PLCB1: variants seen among roughly 807,000 people sequenced by gnomAD.
PLCB1 encodes 1-phosphatidylinositol 4,5-bisphosphate phosphodiesterase beta-1.
Under a neutral mutation model 161.8 loss-of-function variants are expected in PLCB1, and 46 were observed. That is an observed-to-expected ratio of 0.28 (90% CI 0.22 to 0.36). The LOEUF is 0.36. Among genes scored for constraint, PLCB1 ranks in the 10% least tolerant of loss-of-function variants. The probability of loss-of-function intolerance (pLI) is 1.00; values close to 1 mark genes in which losing one functional copy is unlikely to be tolerated. For synonymous variants in PLCB1, 517 were observed against 503.7 expected (o/e 1.03, Z -0.35); for missense variants, 1,016 against 1,472.5 (o/e 0.69, Z 5.07).
intron 3 of PLCB1, among the ~76,000 whole-genome samples, chr20:8,387,919 C>T (rs1242119129): frequency 6.8e-6 from 1 of 146,224 alleles, no homozygotes; most frequent in African/African-American, 2.6e-5. Flanking sequence ...CTTAATGCCA[C>T]TGAACTGTAC....
At chr20:8,354,386 G>T (rs765004023) in intron 2 of PLCB1, among the ~76,000 whole-genome samples, 1 of 152,108 alleles carries the variant, frequency 6.6e-6, no homozygotes, top group Admixed American at 6.6e-5. Flanking sequence ...GGAAAACTGC[G>T]TAAGATTCAC....
In PLCB1 at chr20:8,523,490, C is replaced by CCATATATATA. The variant is rs1206489907; in HGVS notation, c.247-104804_247-104803insCATATATATA. Among the ~76,000 whole-genome samples the CCATATATATA allele has an allele frequency of 3.1e-3, 210 of 67,610 alleles. 32 individuals carry two copies. The highest frequency in any genetic ancestry group is 9.6e-3 in the Middle Eastern group (1 of 104). 44.4% of individuals were successfully genotyped at this position (67,610 alleles called of 152,430 possible). ...GCTCTCTCTCTCTCTCTCTCTCTCT[C>CCATATATATA]TCTCTCTATATATATATATATATAT... On this transcript the variant is annotated intron_variant, in intron 3 of 31. Transcript: ENST00000338037.
At chr20:8,739,609 C>T (rs1024335952) in intron 21 of PLCB1, among the ~76,000 whole-genome samples, 23 of 152,176 alleles carry the variant, frequency 1.5e-4, no homozygotes, top group Admixed American at 9.8e-4. Flanking sequence ...TCTTCGTGCT[C>T]ATAGGTCTGT....
chr20:8,654,327 A>G (rs1989395238), intron 7 of PLCB1, among the ~76,000 whole-genome samples: 1 of 152,068 alleles, frequency 6.6e-6, no homozygotes, highest in South Asian at 2.1e-4. Flanking sequence ...AAGGCCAAAC[A>G]ACAACAAGTC....
intron 3 of PLCB1, among the ~76,000 whole-genome samples, chr20:8,469,561 T>C: frequency 6.6e-6 from 1 of 151,392 alleles, no homozygotes; most frequent in East Asian, 1.9e-4. Flanking sequence ...GAGTTCCAGC[T>C]TCTTTTTTAA....
intron 2 of PLCB1, among the ~76,000 whole-genome samples, chr20:8,194,801 T>G (rs1263968710): frequency 6.6e-6 from 1 of 152,084 alleles, no homozygotes; most frequent in East Asian, 1.9e-4. Context: ...TATGTCATTG[T>G]CTCATTGCTG....
intron 3 of PLCB1, among the ~76,000 whole-genome samples, chr20:8,549,673 C>T (rs1266340231): frequency 1.3e-5 from 2 of 152,172 alleles, no homozygotes; most frequent in Non-Finnish European, 2.9e-5. Flanking sequence ...CGGCTCACTG[C>T]AACTTCTGCT....
chr20:8,734,093 A>G (rs911768409), intron 19 of PLCB1, among the ~76,000 whole-genome samples: 3 of 133,956 alleles, frequency 2.2e-5, no homozygotes, highest in Non-Finnish European at 3.1e-5. Flanking sequence ...GCGCCACTGC[A>G]CTCCAGCCTG....
intron 3 of PLCB1, among the ~76,000 whole-genome samples, chr20:8,524,259 T>C (rs997176949): frequency 6.6e-6 from 1 of 152,150 alleles, no homozygotes; most frequent in African/African-American, 2.4e-5. Context: ...CATATGGCTT[T>C]AGGAATTCAG....
At position 8,558,992 on chromosome 20, in the gene PLCB1, G is replaced by A. The variant is rs6086501; in HGVS notation, c.247-69302G>A. ...GCAAACTCGATAGTAACTTAAAGGT[G>A]TACAAAAGAAATAAAACACACTACT... On this transcript the variant is annotated intron_variant, in intron 3 of 31. Coordinates refer to ENST00000338037, the MANE Select transcript of PLCB1 (RefSeq NM_015192.4). Among the ~76,000 whole-genome samples the A allele has an allele frequency of 6.3e-4, 95 of 151,936 alleles. 1 individual carries two copies. Among genetic ancestry groups the A allele is most frequent in the African/African-American group, 2.1e-3 (86 of 41,506 alleles).
At chr20:8,642,163 A>G (rs1568542290) in intron 4 of PLCB1, among the ~76,000 whole-genome samples, 1 of 152,172 alleles carries the variant, frequency 6.6e-6, no homozygotes, top group Non-Finnish European at 1.5e-5. Context: ...GTAATTATGT[A>G]TGATTGGCAA....
chr20:8,155,311 G>T (rs1259799323), intron 2 of PLCB1, among the ~76,000 whole-genome samples: 12 of 152,098 alleles, frequency 7.9e-5, no homozygotes, highest in Admixed American at 5.9e-4. Flanking sequence ...AAGAAAGATT[G>T]GTTCTACCAT....
intron 11 of PLCB1, among the ~76,000 whole-genome samples, chr20:8,699,576 G>A (rs1309992230): frequency 2.0e-5 from 3 of 152,180 alleles, no homozygotes; most frequent in Admixed American, 1.3e-4. Context: ...GCTTCTTAAT[G>A]TGAAACACTT....
At chr20:8,757,248 C>G in intron 24 of PLCB1, 70 bp downstream of exon 24, 1 of 1,479,474 alleles carries the variant, frequency 6.8e-7, no homozygotes, top group Non-Finnish European at 9.1e-7. Flanking sequence ...CTGACGGAGG[C>G]GCTGTGATGT....
At chr20:8,788,234 A>T (rs1156453255) in intron 27 of PLCB1, among the ~76,000 whole-genome samples, 6 of 152,206 alleles carry the variant, frequency 3.9e-5, no homozygotes, top group Non-Finnish European at 8.8e-5. Context: ...TTAAAAAGAG[A>T]TAATAAGAAG....
chr20:8,476,178 A>G (rs931467274), intron 3 of PLCB1, among the ~76,000 whole-genome samples: 1 of 152,198 alleles, frequency 6.6e-6, no homozygotes, highest in African/African-American at 2.4e-5. Flanking sequence ...AGCAGCTTAC[A>G]GGAGTTCACA....
At chr20:8,683,727 A>G (rs1990277754) in intron 9 of PLCB1, among the ~76,000 whole-genome samples, 1 of 152,170 alleles carries the variant, frequency 6.6e-6, no homozygotes, top group Non-Finnish European at 1.5e-5. Context: ...GAGTAAACTA[A>G]ATTACCTGTG....
chr20:8,491,344 T>C (rs1227324856), intron 3 of PLCB1, among the ~76,000 whole-genome samples: 1 of 152,154 alleles, frequency 6.6e-6, no homozygotes, highest in Non-Finnish European at 1.5e-5. Flanking sequence ...ATTCAGCTCC[T>C]TGATCTATGA....
At chr20:8,875,182 G>A (rs1987735442) in intron 31 of PLCB1, among the ~76,000 whole-genome samples, 1 of 150,722 alleles carries the variant, frequency 6.6e-6, no homozygotes, top group Admixed American at 6.6e-5. Flanking sequence ...ATTTTTCAGA[G>A]AAATGGATTA....
Sources: gnomAD v4.1 joint callset for allele counts (sites outside exome capture counted in the v4.1 genomes callset) on GRCh38, gnomAD v4.1.1 for gene constraint, MANE v1.5 for transcripts, NCBI Gene and HGNC (gene_info 2026-07-23, HGNC 2026-07-21) for gene names.